The following NEGR1 variants were observed in gnomAD, a reference collection of about 807,000 sequenced individuals.
NEGR1 encodes IgLON family member 4.
NEGR1 carries 10 observed loss-of-function variants against 40.9 expected under a neutral mutation model. The observed-to-expected ratio is 0.24, with a 90% CI of 0.15 to 0.42. The LOEUF (loss-of-function observed/expected upper bound fraction) is 0.42. NEGR1 is among the 10% of genes least tolerant of loss of function. The probability of loss-of-function intolerance (pLI) is 1.00; values close to 1 mark genes in which losing one functional copy is unlikely to be tolerated. For missense variants in NEGR1, 352 were observed against 438.9 expected (o/e 0.80, Z 1.77); for synonymous variants, 185 against 166.8 (o/e 1.11, Z -0.84).
At chr1:71,872,409 A>G (rs1660305826) in intron 2 of NEGR1, among the ~76,000 whole-genome samples, 1 of 152,184 alleles carries the variant, frequency 6.6e-6, no homozygotes, top group Non-Finnish European at 1.5e-5. Context: ...TATTTCTGTG[A>G]CAAGCCAGTT....
chr1:71,880,782 A>G (rs553240568), intron 2 of NEGR1, among the ~76,000 whole-genome samples: 2 of 152,042 alleles, frequency 1.3e-5, no homozygotes, highest in East Asian at 1.9e-4. Flanking sequence ...CCAAAGCTCT[A>G]TGCTTATAGC....
chr1:71,868,475 C>CAGA (rs1170364275), intron 2 of NEGR1, among the ~76,000 whole-genome samples: 590 of 50,462 alleles, frequency 0.012, 4 homozygotes, highest in African/African-American at 0.064. Context: ...AGACAGAATA[C>CAGA]ATACATACAT....
intron 1 of NEGR1, among the ~76,000 whole-genome samples, chr1:72,216,489 T>A (rs1315058331): frequency 6.7e-6 from 1 of 149,196 alleles, no homozygotes; most frequent in African/African-American, 2.4e-5. Flanking sequence ...TTATGAATAA[T>A]CATTTTTAAA....
At chr1:71,440,569 A>G (rs1011530576) in intron 6 of NEGR1, among the ~76,000 whole-genome samples, 1 of 152,212 alleles carries the variant, frequency 6.6e-6, no homozygotes, top group African/African-American at 2.4e-5. Flanking sequence ...GATTCTATTC[A>G]GGAAAGGATA....
intron 1 of NEGR1, among the ~76,000 whole-genome samples, chr1:72,014,365 T>C (rs1226201485): frequency 6.6e-6 from 1 of 152,020 alleles, no homozygotes; most frequent in African/African-American, 2.4e-5. Context: ...TCTAGGACTG[T>C]TGAATTCAAC....
At chr1:72,173,637 A>C (rs1168273351) in intron 1 of NEGR1, among the ~76,000 whole-genome samples, 2 of 151,960 alleles carry the variant, frequency 1.3e-5, no homozygotes, top group Non-Finnish European at 2.9e-5. Context: ...TAAATAATAA[A>C]GGATAGATGA....
At chr1:71,578,935 A>G (rs1314455340) in intron 6 of NEGR1, among the ~76,000 whole-genome samples, 1 of 152,160 alleles carries the variant, frequency 6.6e-6, no homozygotes, top group African/African-American at 2.4e-5. Context: ...GGAATATCAA[A>G]AGTCGTAGAG....
chr1:72,259,094 A>T (rs941327204), intron 1 of NEGR1, among the ~76,000 whole-genome samples: 2 of 152,192 alleles, frequency 1.3e-5, no homozygotes, highest in African/African-American at 4.8e-5. Context: ...ATGTGATCTG[A>T]ACTATGACAA....
chr1:71,496,746 G>C (rs1646966482), intron 6 of NEGR1, among the ~76,000 whole-genome samples: 1 of 152,094 alleles, frequency 6.6e-6, no homozygotes, highest in Non-Finnish European at 1.5e-5. Flanking sequence ...TACAGAGCCT[G>C]GCTGAGCTGG....
Position 71,527,273 on chromosome 1 carries a change from AG to A in NEGR1, c.940+65543del, listed in dbSNP as rs146461557. Among the ~76,000 whole-genome samples, 1,072 of 151,576 alleles carry A rather than the reference AG, an allele frequency of 7.1e-3. 12 individuals carry two copies. Among genetic ancestry groups the A allele is most frequent in the African/African-American group, 0.024 (988 of 41,448 alleles). On this transcript the variant is annotated intron_variant, in intron 6 of 6. Transcript: ENST00000357731. ...GCTCAATAATTTTTTGAGAACTGACAGAAACCACAGAAGGTGACTTACTCCC... is the reference window on the plus strand; with the variant it reads ...GCTCAATAATTTTTTGAGAACTGACAAAACCACAGAAGGTGACTTACTCCC...
intron 4 of NEGR1, among the ~76,000 whole-genome samples, chr1:71,626,204 CTTTA>C (rs1325119235): frequency 2.6e-5 from 4 of 151,942 alleles, no homozygotes; most frequent in Non-Finnish European, 4.4e-5. Context: ...AAATGGTTAA[CTTTA>C]TTTATTTATT....
In NEGR1 at chr1:71,867,074, C is replaced by T. The variant is rs148057880; in HGVS notation, c.409+68005G>A. On this transcript the variant is annotated intron_variant, in intron 2 of 6. Coordinates refer to ENST00000357731, the MANE Select transcript of NEGR1 (RefSeq NM_173808.3). ...GAAAAGAAAGATACATTATCCTGGC[C>T]GGGTACTGTGGCTCACGCCTGTAAT... Among the ~76,000 whole-genome samples, 464 of 152,292 alleles carry T rather than the reference C, an allele frequency of 3.0e-3. 3 individuals are homozygous for T. Among genetic ancestry groups the T allele is most frequent in the African/African-American group, 0.01 (417 of 41,568 alleles).
chr1:72,138,832 T>C (rs1650566718), intron 1 of NEGR1, among the ~76,000 whole-genome samples: 1 of 151,926 alleles, frequency 6.6e-6, no homozygotes, highest in African/African-American at 2.4e-5. Flanking sequence ...TATGAAAAAC[T>C]CTAACTCAAC....
intron 1 of NEGR1, among the ~76,000 whole-genome samples, chr1:72,255,666 C>T (rs574197965): frequency 1.3e-5 from 2 of 151,804 alleles, no homozygotes; most frequent in South Asian, 4.2e-4. Flanking sequence ...TTCCCAGCCT[C>T]AGCCTCCCTG....
intron 1 of NEGR1, among the ~76,000 whole-genome samples, chr1:72,266,571 T>C (rs1303065351): frequency 6.6e-6 from 1 of 150,958 alleles, no homozygotes; most frequent in Non-Finnish European, 1.5e-5. Flanking sequence ...GGAACTTCTT[T>C]ATATTGACCA....
intron 6 of NEGR1, among the ~76,000 whole-genome samples, chr1:71,437,926 C>T (rs1400540246): frequency 2.0e-5 from 3 of 152,202 alleles, no homozygotes; most frequent in East Asian, 1.9e-4. Flanking sequence ...TGAAGCAACA[C>T]TGCCTTTTAG....
Position 71,434,948 on chromosome 1 carries a change from C to T in NEGR1, c.941-27378G>A, listed in dbSNP as rs955160071. On this transcript the variant is annotated intron_variant, in intron 6 of 6. Transcript: ENST00000357731. Reference sequence around the variant, plus strand: ...CTACTAAAAATACAAAAAATTAGCCCGGCATAGTGGCGGGCGCCTGTAGTC... The same window carrying T: ...CTACTAAAAATACAAAAAATTAGCCTGGCATAGTGGCGGGCGCCTGTAGTC... Among the ~76,000 whole-genome samples, 164 of 152,068 alleles carry T rather than the reference C, an allele frequency of 1.1e-3. 1 individual carries two copies. The highest frequency in any genetic ancestry group is 3.3e-3 in the African/African-American group (135 of 41,474).
intron 3 of NEGR1, among the ~76,000 whole-genome samples, chr1:71,727,023 C>G (rs997418418): frequency 6.6e-6 from 1 of 152,070 alleles, no homozygotes; most frequent in African/African-American, 2.4e-5. Flanking sequence ...TAGTATGTGA[C>G]TGAGAGCTAC....
intron 1 of NEGR1, among the ~76,000 whole-genome samples, chr1:72,237,816 T>G (rs1019851149): frequency 3.2e-4 from 49 of 152,100 alleles, no homozygotes; most frequent in African/African-American, 7.9e-4. Context: ...CATTTTAGTT[T>G]TGACATAAAC....
Sources: allele counts gnomAD v4.1 joint callset (sites outside exome capture counted in the v4.1 genomes callset), GRCh38; gene constraint gnomAD v4.1.1; transcripts MANE v1.5; gene names NCBI Gene and HGNC (gene_info 2026-07-23, HGNC 2026-07-21).